PRRC2C: variants seen among roughly 807,000 people sequenced by gnomAD.
PRRC2C encodes proline rich coiled-coil 2C.
PRRC2C carries 72 observed loss-of-function variants against 317.2 expected under a neutral mutation model. The observed-to-expected ratio is 0.23, with a 90% CI of 0.19 to 0.28. The LOEUF (loss-of-function observed/expected upper bound fraction) is 0.28, where lower values mean the gene tolerates loss of function less well. Ranked by LOEUF, PRRC2C falls within the 10% of genes least tolerant of loss-of-function variation. PRRC2C has a pLI of 1.00. For missense variants in PRRC2C, 3,074 were observed against 3,459.7 expected (o/e 0.89, Z 2.80); for synonymous variants, 1,296 against 1,205.9 (o/e 1.07, Z -1.55).
intron 1 of PRRC2C, among the ~76,000 whole-genome samples, chr1:171,490,139 G>A (rs186395403): frequency 7.0e-4 from 106 of 152,186 alleles, no homozygotes; most frequent in African/African-American, 2.5e-3. Context: ...GACTGGTCTC[G>A]AACTCCTGAC....
Position 171,531,608 on chromosome 1 carries a change from AT to A in PRRC2C, c.1255-728del, listed in dbSNP as rs892176003. Among the ~76,000 whole-genome samples the A allele has an allele frequency of 2.1e-4, 32 of 152,276 alleles. No homozygotes were observed. In the East Asian group the frequency reaches 3.5e-3, roughly 17 times the overall value. ...CTTTTAAAATCAATATGTTAAAAAC[AT>A]TTTTTTAATTACTTTTATTGTTTTT... On this transcript the variant is annotated intron_variant, in intron 11 of 34. Transcript: ENST00000647382.
intron 13 of PRRC2C, 61 bp from the exon 14 acceptor site, chr1:171,535,968 T>C: frequency 6.6e-7 from 1 of 1,525,570 alleles, no homozygotes; most frequent in Non-Finnish European, 8.9e-7. Context: ...GTGATATGAT[T>C]GATTATGTTA....
intron 32 of PRRC2C, 111 bp downstream of exon 32, chr1:171,587,862 T>TA: frequency 1.6e-6 from 1 of 637,586 alleles, no homozygotes; most frequent in African/African-American, 1.8e-5. Context: ...AAGGAATTAT[T>TA]AAGACATTCT....
At chr1:171,555,236 T>G (rs1020929888) in intron 18 of PRRC2C, among the ~76,000 whole-genome samples, 1 of 152,218 alleles carries the variant, frequency 6.6e-6, no homozygotes, top group African/African-American at 2.4e-5. Flanking sequence ...TGATACACTT[T>G]CTTCCACTTG....
At chr1:171,577,771 A>ATAATTTTTTTTTTTTTT (rs72021003) in intron 26 of PRRC2C, 134 bp downstream of exon 26, 2 of 257,514 alleles carry the variant, frequency 7.8e-6, no homozygotes, top group Non-Finnish European at 6.1e-6. Flanking sequence ...TTAAATTCGC[A>ATAATTTTTTTTTTTTTT]TTTTTTTTTT....
intron 22 of PRRC2C, among the ~76,000 whole-genome samples, chr1:171,567,227 A>G (rs1683831809): frequency 6.6e-6 from 1 of 152,170 alleles, no homozygotes; most frequent in Non-Finnish European, 1.5e-5. Flanking sequence ...TACTAACTCC[A>G]GTATAGCCAG....
chr1:171,548,132 A>G (rs1679517670), intron 17 of PRRC2C, among the ~76,000 whole-genome samples: 1 of 151,158 alleles, frequency 6.6e-6, no homozygotes, highest in Admixed American at 6.6e-5. Context: ...TTCCCAGCTA[A>G]TTTTTTGTAT....
intron 12 of PRRC2C, among the ~76,000 whole-genome samples, chr1:171,534,837 A>G (rs2102444730): frequency 6.6e-6 from 1 of 152,356 alleles, no homozygotes; most frequent in Non-Finnish European, 1.5e-5. Flanking sequence ...TTTTAAATTC[A>G]TTACTAGTCA....
Position 171,545,522 on chromosome 1 carries a change from A to C in PRRC2C, c.4807A>C (p.Ile1603Leu). Residue 1603 changes from isoleucine to leucine, a missense_variant, in exon 17 of 35, where the codon ATC becomes CTC. This residue lies in a region of PRRC2C where 178 missense variants were observed against 163.0 expected (regional missense o/e 1.09). Transcript: ENST00000647382. ...QPAGTTGVDL[I>L]NGSSAHHQEG... ...TGCAGGCACAACTGGGGTTGACCTCATCAATGGCAGCTCTGCACACCATCA... is the reference window on the plus strand; with the variant it reads ...TGCAGGCACAACTGGGGTTGACCTCCTCAATGGCAGCTCTGCACACCATCA... The C allele has an allele frequency of 1.3e-6, 2 of 1,588,676 alleles. No homozygotes were observed. Among genetic ancestry groups the C allele is most frequent in the Non-Finnish European group, 1.7e-6 (2 of 1,166,984 alleles).
chr1:171,494,933 C>T (rs796470106), intron 1 of PRRC2C, among the ~76,000 whole-genome samples: 8 of 152,252 alleles, frequency 5.3e-5, no homozygotes, highest in African/African-American at 1.9e-4. Context: ...ATGTTAGTTA[C>T]ATTTTGTGCT....
Position 171,577,542 on chromosome 1 carries a change from C to T in PRRC2C, c.7064C>T (p.Pro2355Leu). The T allele has an allele frequency of 6.2e-7, 1 of 1,613,408 alleles. No homozygotes were observed. Among genetic ancestry groups the T allele is most frequent in the South Asian group, 1.1e-5 (1 of 91,060 alleles). ...CAGCAGTTACAGACAAGCAGCCTGC[C>T]TTCTGCAAGTCATTTTTCACAGTTA... is the stretch of plus-strand genomic sequence containing the variant. ...KPQQLQTSSL[P>L]SASHFSQLSC... is the part of the protein sequence containing the mutation. The change falls in exon 26 of 35, where the codon CCT becomes CTT. Residue 2355 changes from proline (P) to leucine (L), a missense_variant. Pro to Leu is a moderately conservative substitution (Grantham distance 98, BLOSUM62 -3). Around this residue, in one of 11 missense-constraint regions of PRRC2C, gnomAD observed 490 missense variants for 663.1 expected, o/e 0.74. Transcript: ENST00000647382.
At chr1:171,530,810 A>G (rs567860276) in intron 11 of PRRC2C, among the ~76,000 whole-genome samples, 1 of 152,172 alleles carries the variant, frequency 6.6e-6, no homozygotes, top group South Asian at 2.1e-4. Flanking sequence ...GGAAAACCTT[A>G]TAACCACTTT....
intron 23 of PRRC2C, among the ~76,000 whole-genome samples, chr1:171,569,797 A>T (rs1006738992): frequency 2.6e-5 from 4 of 151,344 alleles, no homozygotes; most frequent in African/African-American, 4.9e-5. Flanking sequence ...TATTTCTACG[A>T]TAGTGGTTTT....
intron 28 of PRRC2C, among the ~76,000 whole-genome samples, chr1:171,580,673 G>T (rs1228826238): frequency 1.3e-5 from 2 of 152,154 alleles, no homozygotes; most frequent in Non-Finnish European, 2.9e-5. Context: ...TTAACCTGAG[G>T]TTATACATAA....
Position 171,557,404 on chromosome 1 carries a change from T to C in PRRC2C, c.5292T>C (p.Val1764=). Residue 1764 remains valine, a synonymous_variant, in exon 19 of 35, where the codon GTT becomes GTC. Coordinates refer to ENST00000647382, the MANE Select transcript of PRRC2C (RefSeq NM_001387844.1). ...APLPPSTSAS[V]PASTSAPLPA... The stretch of plus-strand genomic sequence containing the variant: ...TTCCACCTTCAACCTCAGCTTCAGT[T>C]CCAGCCTCAACCTCAGCTCCACTTC... 1 of 1,548,556 alleles carries C rather than the reference T, an allele frequency of 6.5e-7. No individual in the cohort carries two copies. The highest frequency in any genetic ancestry group is 1.2e-5 in the South Asian group (1 of 83,918).
intron 10 of PRRC2C, among the ~76,000 whole-genome samples, chr1:171,527,015 C>T (rs1674719344): frequency 1.3e-5 from 2 of 151,598 alleles, no homozygotes; most frequent in Admixed American, 1.3e-4. Flanking sequence ...GCCATGTTCG[C>T]CAGGCTGGTC....
In PRRC2C at chr1:171,486,107, C is replaced by CTTT. The variant is rs34040896; in HGVS notation, c.-58+392_-58+394dup. 4.9e-3 allele frequency among the ~76,000 whole-genome samples: 466 copies of CTTT among 95,564 alleles called. 15 individuals carry two copies. Among genetic ancestry groups the CTTT allele is most frequent in the African/African-American group, 0.016 (425 of 25,792 alleles). The allele number at this position is 95,564 out of a possible 152,430, so 62.7% of individuals were successfully genotyped here. On this transcript the variant is annotated intron_variant, in intron 1 of 34. Transcript: ENST00000647382. ...CTTCCTGGACTGGCGGACGTGAAGT[C>CTTT]TTTTTTTTTTTTTTTTTTTTTTAGT... is the stretch of plus-strand genomic sequence containing the variant.
chr1:171,527,538 C>T (rs1320587912), intron 10 of PRRC2C, among the ~76,000 whole-genome samples: 1 of 150,846 alleles, frequency 6.6e-6, no homozygotes, highest in East Asian at 2.0e-4. Context: ...AGGCAGATCA[C>T]TTGACATCAG....
At chr1:171,564,774 C>G (rs752041307) in intron 20 of PRRC2C, among the ~76,000 whole-genome samples, 1 of 152,076 alleles carries the variant, frequency 6.6e-6, no homozygotes, top group Non-Finnish European at 1.5e-5. Context: ...AGTAAAAATA[C>G]GATATTATAA....
Sources: gnomAD v4.1 joint callset for allele counts (sites outside exome capture counted in the v4.1 genomes callset) on GRCh38, gnomAD v4.1.1 for gene constraint, gnomAD v4.1.1 regional missense constraint, MANE v1.5 for transcripts, NCBI Gene and HGNC (gene_info 2026-07-23, HGNC 2026-07-21) for gene names.